Variants in MYRIP observed in about 807,000 individuals in gnomAD.
MYRIP encodes the protein rab effector MyRIP.
Under a neutral mutation model 98.0 loss-of-function variants are expected in MYRIP, and 49 were observed. That is an observed-to-expected ratio of 0.50 (90% CI 0.40 to 0.63). The LOEUF (loss-of-function observed/expected upper bound fraction) is 0.63, where lower values mean the gene tolerates loss of function less well. Ranked by LOEUF, MYRIP falls within the 30% of genes least tolerant of loss-of-function variation. The pLI is 0.00. For synonymous variants in MYRIP, 404 were observed against 409.5 expected, an observed-to-expected ratio of 0.99 and a Z score of 0.16; for missense variants, 1,004 against 1,058.2, an observed-to-expected ratio of 0.95 and a Z score of 0.71.
intron 16 of MYRIP, among the ~76,000 whole-genome samples, chr3:40,254,808 A>G (rs749116139): frequency 6.6e-6 from 1 of 152,174 alleles, no homozygotes; most frequent in Non-Finnish European, 1.5e-5. Flanking sequence ...TGCTGCTTAC[A>G]TAGAAAATTA....
At chr3:40,224,930 G>A (rs532433516) in intron 11 of MYRIP, among the ~76,000 whole-genome samples, 88 of 152,314 alleles carry the variant, frequency 5.8e-4, no homozygotes, top group African/African-American at 1.3e-3. Flanking sequence ...GTATTTTGAC[G>A]GGTTTTAGCG....
At chr3:40,162,831 A>C in intron 5 of MYRIP, 21 bp downstream of exon 5, 1 of 1,606,914 alleles carries the variant, frequency 6.2e-7, no homozygotes, top group Non-Finnish European at 8.5e-7. Context: ...TTAAGAGTTT[A>C]CAGCTACTGG....
In MYRIP at chr3:40,166,826, T is replaced by G. The variant is rs776916494; in HGVS notation, c.551-20T>G. 2 of 1,514,590 alleles carry G rather than the reference T, an allele frequency of 1.3e-6. No individual in the cohort carries two copies. The highest frequency in any genetic ancestry group is 1.8e-6 in the Non-Finnish European group (2 of 1,090,478). The allele number at this position is 1,514,590 out of a possible 1,614,324, so 93.8% of individuals were successfully genotyped here. On this transcript the variant is annotated intron_variant, in intron 5 of 16. Transcript: ENST00000302541. ...CATCATTCCCTTTTAGAAATGCTCT[T>G]TGTTCTGTTTCCTGTCTAGGACATA...
intron 1 of MYRIP, among the ~76,000 whole-genome samples, chr3:39,849,130 T>C (rs1236500092): frequency 4.6e-5 from 7 of 152,176 alleles, no homozygotes; most frequent in Non-Finnish European, 7.4e-5. Flanking sequence ...AACCACAGCA[T>C]TGAAGTAGGA....
intron 3 of MYRIP, among the ~76,000 whole-genome samples, chr3:40,064,357 G>GA (rs1440490637): frequency 1.8e-4 from 28 of 151,426 alleles, no homozygotes; most frequent in South Asian, 6.3e-4. Flanking sequence ...CCTTTGGAGG[G>GA]AGAAAAAAAA....
At chr3:40,238,698 T>C (rs892806143) in intron 12 of MYRIP, 2 of 152,188 alleles carry the variant, frequency 1.3e-5, no homozygotes, top group Non-Finnish European at 2.9e-5. Context: ...GGACCTCAGA[T>C]TGGCTTTACT....
At chr3:39,883,726 A>G in intron 1 of MYRIP, among the ~76,000 whole-genome samples, 1 of 152,142 alleles carries the variant, frequency 6.6e-6, no homozygotes, top group South Asian at 2.1e-4. Flanking sequence ...ATATACATGA[A>G]GAGAAAATAA....
intron 2 of MYRIP, among the ~76,000 whole-genome samples, chr3:39,953,299 T>C (rs1945072727): frequency 6.6e-6 from 1 of 152,226 alleles, no homozygotes; most frequent in Non-Finnish European, 1.5e-5. Context: ...CAACTTGTTA[T>C]GTGCCTTCGG....
chr3:39,965,751 T>G (rs951265397), intron 2 of MYRIP, among the ~76,000 whole-genome samples: 9 of 152,096 alleles, frequency 5.9e-5, no homozygotes, highest in African/African-American at 2.2e-4. Flanking sequence ...ATTATGGGTT[T>G]TAATCACACC....
chr3:40,108,174 T>TGAGAGAGAGAGA (rs72224557), intron 3 of MYRIP, among the ~76,000 whole-genome samples: 33 of 138,308 alleles, frequency 2.4e-4, no homozygotes, highest in African/African-American at 8.5e-4. Flanking sequence ...GCAGTGTTTG[T>TGAGAGAGAGAGA]GAGAGAGAGA....
Position 40,082,854 on chromosome 3 carries a change from T to C in MYRIP, c.332+38583T>C, listed in dbSNP as rs566448215. ...TCTTTTGCAGATAAATTTCGGGAAA[T>C]GGTCCCATAACTCCTTCTGTAATAA... On this transcript the variant is annotated intron_variant, in intron 3 of 16. Transcript: ENST00000302541. Among the ~76,000 whole-genome samples the C allele has an allele frequency of 1.1e-4, 16 of 152,270 alleles. No individual in the cohort carries two copies. The East Asian group carries it at 2.9e-3, about 28-fold the overall frequency.
chr3:40,167,271 G>A, intron 7 of MYRIP, 32 bp downstream of exon 7: 11 of 1,603,562 alleles, frequency 6.9e-6, no homozygotes, highest in Non-Finnish European at 9.4e-6. Context: ...GATGGCTGCA[G>A]TTTCCTGGCT....
At chr3:39,997,575 A>G (rs1480142385) in intron 2 of MYRIP, among the ~76,000 whole-genome samples, 1 of 152,180 alleles carries the variant, frequency 6.6e-6, no homozygotes, top group African/African-American at 2.4e-5. Flanking sequence ...CCAGGACCAG[A>G]CGGATTCACA....
chr3:40,073,308 G>C (rs1327542062), intron 3 of MYRIP, among the ~76,000 whole-genome samples: 2 of 152,214 alleles, frequency 1.3e-5, no homozygotes, highest in Non-Finnish European at 2.9e-5. Flanking sequence ...CACTCCAAGA[G>C]AAGAGTGGGA....
intron 2 of MYRIP, among the ~76,000 whole-genome samples, chr3:39,944,621 C>T: frequency 6.6e-6 from 1 of 152,016 alleles, no homozygotes; most frequent in African/African-American, 2.4e-5. Context: ...AAGAGGAAAA[C>T]TTTTTATTGT....
rs144710470 is a variant in MYRIP, at chr3:39,953,463, G to C, written c.110+52537G>C. Among the ~76,000 whole-genome samples the C allele has an allele frequency of 3.9e-4, 59 of 152,204 alleles. No individual in the cohort carries two copies. In the East Asian group the frequency reaches 9.5e-3, roughly 24 times the overall value. ...TAATTCATTGATTAATGCTTTCATT[G>C]TTAGGCAACTTATGGAAAACCAATT... On this transcript the variant is annotated intron_variant, in intron 2 of 16. Transcript: ENST00000302541.
intron 3 of MYRIP, among the ~76,000 whole-genome samples, chr3:40,149,252 A>G (rs1336681437): frequency 1.3e-5 from 2 of 152,164 alleles, no homozygotes; most frequent in Non-Finnish European, 1.5e-5. Flanking sequence ...TGAGAGAGGG[A>G]GCAAGAGAGA....
At chr3:39,975,453 G>A (rs1274102114) in intron 2 of MYRIP, among the ~76,000 whole-genome samples, 94 of 151,898 alleles carry the variant, frequency 6.2e-4, no homozygotes, top group Non-Finnish European at 9.0e-4. Context: ...AATCAATATC[G>A]TGAAAATGGC....
At chr3:40,082,572 T>A (rs1948501483) in intron 3 of MYRIP, among the ~76,000 whole-genome samples, 1 of 152,238 alleles carries the variant, frequency 6.6e-6, no homozygotes, top group African/African-American at 2.4e-5. Context: ...CTCTAGCATT[T>A]AGTGTTCTGT....
Sources: gnomAD v4.1 joint callset for allele counts (sites outside exome capture counted in the v4.1 genomes callset) on GRCh38, gnomAD v4.1.1 for gene constraint, MANE v1.5 for transcripts, NCBI Gene and HGNC (gene_info 2026-07-23, HGNC 2026-07-21) for gene names.